RBPJ: variants seen among roughly 807,000 people sequenced by gnomAD.
RBPJ encodes recombining binding protein suppressor of hairless.
Under a neutral mutation model 67.8 loss-of-function variants are expected in RBPJ, and 9 were observed. That is an observed-to-expected ratio of 0.13 (90% CI 0.08 to 0.23). The LOEUF is 0.23. Among genes scored for constraint, RBPJ ranks in the 10% least tolerant of loss-of-function variants. The pLI, the probability that RBPJ is intolerant of heterozygous loss-of-function variation, is 1.00. For missense variants in RBPJ, 305 were observed against 595.6 expected (o/e 0.51, Z 5.08); for synonymous variants, 198 against 203.3 (o/e 0.97, Z 0.22).
chr4:26,309,936 T>C (rs575123224), intron 1 of RBPJ, among the ~76,000 whole-genome samples: 9 of 152,352 alleles, frequency 5.9e-5, no homozygotes, highest in African/African-American at 1.9e-4. Flanking sequence ...TTTGTACACA[T>C]TCTTTTCACC....
intron 1 of RBPJ, among the ~76,000 whole-genome samples, chr4:26,378,425 C>G (rs73121171): frequency 8.3e-4 from 126 of 152,122 alleles, no homozygotes; most frequent in African/African-American, 2.8e-3. Flanking sequence ...AATGGAGACC[C>G]GTATTCTCAC....
chr4:26,170,422 T>A (rs1716527802), intron 1 of RBPJ, among the ~76,000 whole-genome samples: 1 of 151,662 alleles, frequency 6.6e-6, no homozygotes, highest in Non-Finnish European at 1.5e-5. Context: ...ATGCCTGAAG[T>A]CCCAGCTACT....
intron 1 of RBPJ, among the ~76,000 whole-genome samples, chr4:26,168,946 A>G (rs952109420): frequency 5.3e-4 from 81 of 152,096 alleles, no homozygotes; most frequent in African/African-American, 1.9e-3. Flanking sequence ...ACTTCTCTGT[A>G]TTGGTTATTC....
intron 1 of RBPJ, among the ~76,000 whole-genome samples, chr4:26,252,483 G>A (rs1418783274): frequency 6.6e-6 from 1 of 152,088 alleles, no homozygotes; most frequent in Non-Finnish European, 1.5e-5. Context: ...GCTCTCAGAA[G>A]GCTGAGGCAG....
the RBPJ span, among the ~76,000 whole-genome samples, chr4:26,145,014 G>T: frequency 1.3e-5 from 2 of 149,578 alleles, no homozygotes; most frequent in African/African-American, 5.0e-5. Context: ...CCCTCAACCT[G>T]CCTTCTTCTT....
intron 1 of RBPJ, among the ~76,000 whole-genome samples, chr4:26,197,474 G>A (rs182395375): frequency 2.4e-4 from 37 of 152,304 alleles, no homozygotes; most frequent in Non-Finnish European, 2.6e-4. Flanking sequence ...CCAGCTCAAG[G>A]TGAGTCATTT....
chr4:26,108,741 G>C, the RBPJ span, among the ~76,000 whole-genome samples: 4 of 152,162 alleles, frequency 2.6e-5, no homozygotes, highest in African/African-American at 9.7e-5. Context: ...AACCAGACTG[G>C]GATAGACACA....
chr4:26,183,952 C>A (rs566582539), intron 1 of RBPJ, among the ~76,000 whole-genome samples: 12 of 152,150 alleles, frequency 7.9e-5, no homozygotes, highest in African/African-American at 2.9e-4. Context: ...GCGGAGGTAG[C>A]AGTAAGCTGA....
chr4:26,252,739 T>G (rs1444844341), intron 1 of RBPJ, among the ~76,000 whole-genome samples: 1 of 152,212 alleles, frequency 6.6e-6, no homozygotes, highest in Admixed American at 6.5e-5. Flanking sequence ...AGGTTCATCA[T>G]TATGGGAAAA....
At chr4:26,204,750 G>A (rs964401617) in intron 1 of RBPJ, among the ~76,000 whole-genome samples, 1 of 152,200 alleles carries the variant, frequency 6.6e-6, no homozygotes, top group African/African-American at 2.4e-5. Context: ...CTCGTAAAAT[G>A]GTTATGAGGG....
intron 1 of RBPJ, among the ~76,000 whole-genome samples, chr4:26,186,281 A>ATC (rs1717256828): frequency 6.6e-6 from 1 of 151,118 alleles, no homozygotes; most frequent in Non-Finnish European, 1.5e-5. Context: ...ATGTTACTTA[A>ATC]TCTCTCTATG....
intron 1 of RBPJ, among the ~76,000 whole-genome samples, chr4:26,207,286 G>C (rs1243711129): frequency 6.6e-6 from 1 of 152,086 alleles, no homozygotes; most frequent in African/African-American, 2.4e-5. Context: ...ACCAGGGTGG[G>C]ATAATAATGA....
chr4:26,253,343 G>C (rs1341286390), intron 1 of RBPJ, among the ~76,000 whole-genome samples: 1 of 119,036 alleles, frequency 8.4e-6, no homozygotes, highest in African/African-American at 3.5e-5. Flanking sequence ...ACGGAGTCTC[G>C]CTCTGTCGCC....
At chr4:26,175,471 C>G (rs370355268) in intron 1 of RBPJ, among the ~76,000 whole-genome samples, 6 of 152,234 alleles carry the variant, frequency 3.9e-5, no homozygotes, top group Non-Finnish European at 7.3e-5. Context: ...AGACCCGCAT[C>G]ACATCGCAGG....
At chr4:26,269,795 G>A (rs1446223323) in intron 1 of RBPJ, among the ~76,000 whole-genome samples, 1 of 152,156 alleles carries the variant, frequency 6.6e-6, no homozygotes, top group African/African-American at 2.4e-5. Flanking sequence ...GGAGTGAAGG[G>A]GGAGGGAGAG....
intron 1 of RBPJ, among the ~76,000 whole-genome samples, chr4:26,375,555 C>T (rs183742624): frequency 6.6e-6 from 1 of 152,286 alleles, no homozygotes; most frequent in Admixed American, 6.5e-5. Context: ...TCCCTCATTC[C>T]TCTTCATCTC....
intron 1 of RBPJ, among the ~76,000 whole-genome samples, chr4:26,206,669 A>C (rs964975059): frequency 6.6e-6 from 1 of 151,936 alleles, no homozygotes; most frequent in African/African-American, 2.4e-5. Flanking sequence ...ATTGTTTATA[A>C]GATATAATTT....
At chr4:26,255,656 G>A (rs1041284299) in intron 1 of RBPJ, among the ~76,000 whole-genome samples, 3 of 151,106 alleles carry the variant, frequency 2.0e-5, no homozygotes, top group African/African-American at 7.3e-5. Context: ...CAAAAAATTA[G>A]CCAGGCGTGG....
intron 1 of RBPJ, among the ~76,000 whole-genome samples, chr4:26,261,061 T>C (rs754829251): frequency 6.6e-6 from 1 of 152,208 alleles, no homozygotes; most frequent in East Asian, 1.9e-4. Flanking sequence ...GGGAGACACA[T>C]AGGAAGAGGC....
Sources: allele counts gnomAD v4.1 joint callset (sites outside exome capture counted in the v4.1 genomes callset), GRCh38; gene constraint gnomAD v4.1.1; transcripts MANE v1.5; gene names NCBI Gene and HGNC (gene_info 2026-07-23, HGNC 2026-07-21).